Variants in DCDC1 observed in about 807,000 individuals in gnomAD.
DCDC1 encodes the protein doublecortin domain-containing protein 1.
A neutral mutation model predicts 178.3 loss-of-function variants in DCDC1; 200 were observed. That is an observed-to-expected ratio of 1.12 (90% CI 1.00 to 1.26). The LOEUF is 1.26. DCDC1 is among the 50% of genes most tolerant of loss of function. The pLI is 0.00. For missense variants in DCDC1, 1,983 were observed against 1,749.2 expected (o/e 1.13, Z -2.38); for synonymous variants, 690 against 604.8 (o/e 1.14, Z -2.07).
chr11:31,197,162 T>C (rs1403014503), intron 9 of DCDC1, among the ~76,000 whole-genome samples: 1 of 152,064 alleles, frequency 6.6e-6, no homozygotes, highest in East Asian at 1.9e-4. Flanking sequence ...TAAAGGAAAC[T>C]ATCTTAGTGA....
At chr11:31,340,507 T>C (rs1950492038) in intron 1 of DCDC1, among the ~76,000 whole-genome samples, 1 of 152,210 alleles carries the variant, frequency 6.6e-6, no homozygotes. Context: ...ATGGGTCAAC[T>C]TGGCAGGGCC....
chr11:31,309,681 C>CT (rs1014125752), intron 3 of DCDC1, among the ~76,000 whole-genome samples: 2 of 151,876 alleles, frequency 1.3e-5, no homozygotes, highest in African/African-American at 4.8e-5. Context: ...AATAAGGTGT[C>CT]TTTTTTAATG....
At position 31,324,164 on chromosome 11, in the gene DCDC1, C is replaced by T. The variant is rs559804873; in HGVS notation, c.164+3953G>A. ...ACGTTATGTTCAAACTACATATATA[C>T]TACATAGAATATATTCAATAAGTGT... On this transcript the variant is annotated intron_variant, in intron 3 of 38. Coordinates refer to ENST00000684477, the MANE Select transcript of DCDC1 (RefSeq NM_001387274.1). Among the ~76,000 whole-genome samples the T allele has an allele frequency of 1.6e-3, 244 of 152,066 alleles. 1 individual carries two copies. The highest frequency in any genetic ancestry group is 5.6e-3 in the African/African-American group (234 of 41,492).
chr11:30,972,711 A>C (rs2134700045), intron 20 of DCDC1, among the ~76,000 whole-genome samples: 1 of 152,368 alleles, frequency 6.6e-6, no homozygotes, highest in Admixed American at 6.5e-5. Flanking sequence ...ATCATAACAT[A>C]ACCTTGAATG....
At chr11:31,229,797 G>T (rs1007007614) in intron 9 of DCDC1, among the ~76,000 whole-genome samples, 2 of 152,030 alleles carry the variant, frequency 1.3e-5, no homozygotes, top group Non-Finnish European at 2.9e-5. Context: ...AATTGGTGCA[G>T]AAAAAGCATT....
intron 1 of DCDC1, among the ~76,000 whole-genome samples, chr11:31,356,389 G>A (rs956867949): frequency 4.6e-5 from 7 of 152,036 alleles, no homozygotes; most frequent in Admixed American, 2.0e-4. Flanking sequence ...TGAAACCAAC[G>A]AGAACAAAGA....
intron 20 of DCDC1, among the ~76,000 whole-genome samples, chr11:31,061,630 G>T (rs1359061084): frequency 6.6e-6 from 1 of 151,984 alleles, no homozygotes; most frequent in Admixed American, 6.6e-5. Context: ...CCTGAGAAAT[G>T]CTCACTAAGA....
Position 30,915,519 on chromosome 11 carries a change from T to C in DCDC1, c.3645A>G (p.Glu1215=). The C allele has an allele frequency of 6.2e-7, 1 of 1,613,944 alleles. No homozygotes were observed. Residue 1215 remains glutamate (E), a synonymous_variant, in exon 27 of 39, where the codon GAA becomes GAG. Coordinates refer to ENST00000684477, the MANE Select transcript of DCDC1 (RefSeq NM_001387274.1). ...AAATATAATGGGATTACCTGCTGTC[T>C]TCCTGGTGTATCCAGCGCTGATGAC... The part of the protein sequence containing the change: ...DGSHQRWIHQ[E]DSRTFHLVSN...
intron 20 of DCDC1, among the ~76,000 whole-genome samples, chr11:31,035,777 G>A (rs181607608): frequency 6.6e-6 from 1 of 152,286 alleles, no homozygotes; most frequent in Non-Finnish European, 1.5e-5. Context: ...CTTGCTTACA[G>A]CAATTATTGT....
intron 3 of DCDC1, among the ~76,000 whole-genome samples, chr11:31,314,965 A>G (rs1338280394): frequency 1.3e-5 from 2 of 152,254 alleles, no homozygotes; most frequent in African/African-American, 4.8e-5. Context: ...CTAGTTTACA[A>G]TTTTTGCTTC....
chr11:31,295,206 A>G (rs955472341), intron 6 of DCDC1, among the ~76,000 whole-genome samples: 3 of 152,194 alleles, frequency 2.0e-5, no homozygotes, highest in African/African-American at 7.2e-5. Context: ...CTAAGTAAAT[A>G]GTTGTTATAC....
chr11:30,900,791 G>T (rs1248775837), intron 32 of DCDC1, among the ~76,000 whole-genome samples: 1 of 151,840 alleles, frequency 6.6e-6, no homozygotes. Flanking sequence ...GGAAAAAATA[G>T]AGATAAAAAA....
At chr11:30,896,915 C>G (rs957507708) in intron 34 of DCDC1, among the ~76,000 whole-genome samples, 2 of 152,156 alleles carry the variant, frequency 1.3e-5, no homozygotes, top group Non-Finnish European at 2.9e-5. Flanking sequence ...AGCATATGCT[C>G]AATAAATGCT....
At position 30,938,118 on chromosome 11, in the gene DCDC1, T is replaced by C. The variant is rs1005078322; in HGVS notation, c.2716-6166A>G. 1.4e-4 allele frequency among the ~76,000 whole-genome samples: 22 copies of C among 152,100 alleles called. 1 individual carries two copies. The highest frequency in any genetic ancestry group is 1.3e-3 in the Admixed American group (20 of 15,264). On this transcript the variant is annotated intron_variant, in intron 21 of 38. Transcript: ENST00000684477. ...ATCCTCTCACTTCCTCTTGTACTCT[T>C]CCTTCCTTTTACATTATTTTTCTCC...
chr11:30,902,418 T>C (rs1944753461), intron 32 of DCDC1, among the ~76,000 whole-genome samples: 1 of 152,152 alleles, frequency 6.6e-6, no homozygotes, highest in African/African-American at 2.4e-5. Context: ...CTGTTCTTTA[T>C]AAATTAACCA....
intron 9 of DCDC1, among the ~76,000 whole-genome samples, chr11:31,208,530 T>C (rs866579174): frequency 1.3e-5 from 2 of 152,204 alleles, no homozygotes; most frequent in African/African-American, 4.8e-5. Flanking sequence ...CTCCTCCACA[T>C]ACGAGTCAGC....
intron 20 of DCDC1, among the ~76,000 whole-genome samples, chr11:31,033,969 C>A (rs890325337): frequency 7.3e-6 from 1 of 137,170 alleles, no homozygotes; most frequent in Admixed American, 7.3e-5. Context: ...CATAGTAAAA[C>A]CCTGTCTCTA....
chr11:30,915,894 C>G (rs966812974), intron 26 of DCDC1, among the ~76,000 whole-genome samples, 183 bp from the exon 27 acceptor site: 5 of 152,082 alleles, frequency 3.3e-5, no homozygotes, highest in African/African-American at 1.2e-4. Flanking sequence ...TCTAAGCTGA[C>G]ATAAGAAGTA....
In DCDC1 at chr11:31,082,764, A is replaced by G. The variant is rs1957263657; in HGVS notation, c.2238-4839T>C. On this transcript the variant is annotated intron_variant, in intron 17 of 38. Transcript: ENST00000684477. ...ACATTCATCATTTCCTGGTAACTAT[A>G]TGGAGGGCTATTATCATGCTTCAGG... is the stretch of plus-strand genomic sequence containing the variant. Among the ~76,000 whole-genome samples, 4 of 152,056 alleles carry G rather than the reference A, an allele frequency of 2.6e-5. 1 individual carries two copies. The South Asian group carries it at 8.3e-4, about 31-fold the overall frequency.
Sources: gnomAD v4.1 joint callset for allele counts (sites outside exome capture counted in the v4.1 genomes callset) on GRCh38, gnomAD v4.1.1 for gene constraint, MANE v1.5 for transcripts, NCBI Gene and HGNC (gene_info 2026-07-23, HGNC 2026-07-21) for gene names.